Variants in PDGFC observed in about 807,000 individuals in gnomAD.
The protein encoded by PDGFC is platelet-derived growth factor C.
A neutral mutation model predicts 35.5 loss-of-function variants in PDGFC; 12 were observed. That is an observed-to-expected ratio of 0.34 (90% CI 0.22 to 0.55). The LOEUF (loss-of-function observed/expected upper bound fraction) is 0.55, where lower values mean the gene tolerates loss of function less well. PDGFC is among the 20% of genes least tolerant of loss of function. The pLI is 0.91. For synonymous variants in PDGFC, 159 were observed against 148.8 expected (o/e 1.07, Z -0.50); for missense variants, 322 against 412.4 (o/e 0.78, Z 1.90).
intron 3 of PDGFC, among the ~76,000 whole-genome samples, chr4:156,779,487 A>AC (rs1041425035): frequency 1.2e-4 from 18 of 152,188 alleles, no homozygotes; most frequent in Non-Finnish European, 2.5e-4. Flanking sequence ...CATCACAGCA[A>AC]CAGTCCAGTA....
At chr4:156,815,610 T>A (rs1732066937) in intron 2 of PDGFC, among the ~76,000 whole-genome samples, 1 of 152,110 alleles carries the variant, frequency 6.6e-6, no homozygotes, top group Non-Finnish European at 1.5e-5. Context: ...GAAAAATGTA[T>A]CTGTGGGCCA....
Position 156,971,351 on chromosome 4 carries a change from T to G in PDGFC, c.-448A>C, listed in dbSNP as rs1732589012. On this transcript the variant is annotated 5_prime_UTR_variant, in exon 1 of 6. Coordinates refer to ENST00000502773, the MANE Select transcript of PDGFC (RefSeq NM_016205.3). ...GGAAGCCAAGTCGGCGGCGAGCAGT[T>G]TCTGATCAATAACAAAGCTGCCAAT... 5.0e-6 allele frequency: 2 copies of G among 398,998 alleles called. No individual in the cohort carries two copies. The highest frequency in any genetic ancestry group is 4.1e-5 in the African/African-American group (2 of 48,682). 24.7% of individuals were successfully genotyped at this position (398,998 alleles called of 1,614,324 possible).
intron 1 of PDGFC, among the ~76,000 whole-genome samples, chr4:156,922,181 T>TGC (rs1294490660): frequency 1.3e-5 from 2 of 151,646 alleles, no homozygotes; most frequent in Non-Finnish European, 2.9e-5. Flanking sequence ...TGTGTGTGTG[T>TGC]GTGTGTGTGT....
At chr4:156,960,946 G>C (rs1455630214) in intron 1 of PDGFC, among the ~76,000 whole-genome samples, 3 of 151,978 alleles carry the variant, frequency 2.0e-5, no homozygotes, top group African/African-American at 4.8e-5. Flanking sequence ...TAAGATCTCA[G>C]GTTTAAAGTA....
chr4:156,911,036 T>C (rs1468473432), intron 1 of PDGFC, among the ~76,000 whole-genome samples: 1 of 152,140 alleles, frequency 6.6e-6, no homozygotes, highest in African/African-American at 2.4e-5. Context: ...AGAGCAAAAG[T>C]TTTATTTTCA....
intron 1 of PDGFC, among the ~76,000 whole-genome samples, chr4:156,900,967 GA>G (rs992530018): frequency 3.6e-4 from 54 of 151,078 alleles, no homozygotes; most frequent in African/African-American, 1.1e-3. Flanking sequence ...GAGGGAGGAA[GA>G]AAAAAAGAGA....
At chr4:156,928,370 T>G (rs1731466786) in intron 1 of PDGFC, among the ~76,000 whole-genome samples, 1 of 152,178 alleles carries the variant, frequency 6.6e-6, no homozygotes, top group South Asian at 2.1e-4. Context: ...GAACTGCAGC[T>G]CTACCTGATT....
At chr4:156,812,135 C>G (rs1486898974) in intron 2 of PDGFC, among the ~76,000 whole-genome samples, 1 of 151,930 alleles carries the variant, frequency 6.6e-6, no homozygotes, top group Non-Finnish European at 1.5e-5. Flanking sequence ...TTGTTTTAAA[C>G]TTAACCAAGA....
intron 1 of PDGFC, among the ~76,000 whole-genome samples, chr4:156,853,934 G>C (rs370630252): frequency 6.6e-6 from 1 of 152,148 alleles, no homozygotes. Context: ...CTGCACTCCA[G>C]CCTTGGTGAC....
At chr4:156,912,831 C>T (rs148586083) in intron 1 of PDGFC, among the ~76,000 whole-genome samples, 1 of 150,676 alleles carries the variant, frequency 6.6e-6, no homozygotes, top group East Asian at 2.0e-4. Context: ...CACAGACTAC[C>T]CAGAATATCT....
chr4:156,924,628 G>C, intron 1 of PDGFC, among the ~76,000 whole-genome samples: 1 of 152,094 alleles, frequency 6.6e-6, no homozygotes, highest in East Asian at 1.9e-4. Context: ...AAGAAATGTC[G>C]GTCAGGAAAA....
chr4:156,820,737 A>T (rs748723112), intron 2 of PDGFC, among the ~76,000 whole-genome samples: 30 of 152,224 alleles, frequency 2.0e-4, no homozygotes, highest in Non-Finnish European at 3.8e-4. Flanking sequence ...ATATATGATC[A>T]TACTCATAAA....
intron 1 of PDGFC, among the ~76,000 whole-genome samples, chr4:156,857,882 TG>T (rs1729619943): frequency 6.6e-6 from 1 of 152,046 alleles, no homozygotes; most frequent in African/African-American, 2.4e-5. Context: ...TGCACAAAAG[TG>T]GGCAGATGTA....
chr4:156,795,857 A>G (rs1731426455), intron 3 of PDGFC, among the ~76,000 whole-genome samples: 1 of 152,190 alleles, frequency 6.6e-6, no homozygotes, highest in African/African-American at 2.4e-5. Flanking sequence ...TTTTAAAGCA[A>G]TCAGTTCTGA....
intron 3 of PDGFC, among the ~76,000 whole-genome samples, chr4:156,791,745 AC>A (rs1440459182): frequency 1.3e-5 from 2 of 152,204 alleles, no homozygotes; most frequent in Non-Finnish European, 2.9e-5. Flanking sequence ...CATCCCACGT[AC>A]CACACTGAAA....
chr4:156,869,489 G>A (rs28532487), intron 1 of PDGFC, among the ~76,000 whole-genome samples: 4,303 of 151,982 alleles, frequency 0.028, 223 homozygotes, highest in African/African-American at 0.099. Flanking sequence ...AGCTACTGTT[G>A]TTTTTGCAAT....
intron 3 of PDGFC, among the ~76,000 whole-genome samples, chr4:156,789,997 AAG>A (rs1553964993): frequency 0.017 from 2,431 of 139,550 alleles, 84 homozygotes; most frequent in African/African-American, 0.074. Context: ...AAAAAAAAAA[AAG>A]AAAGAATACT....
chr4:156,764,271 G>A (rs181060068), intron 5 of PDGFC, among the ~76,000 whole-genome samples: 1 of 152,316 alleles, frequency 6.6e-6, no homozygotes, highest in Non-Finnish European at 1.5e-5. Context: ...AAGAAAAACA[G>A]AGAATGCATA....
chr4:156,966,235 C>T (rs1408889985), intron 1 of PDGFC, among the ~76,000 whole-genome samples: 3 of 151,978 alleles, frequency 2.0e-5, no homozygotes, highest in African/African-American at 4.8e-5. Context: ...ACTGATCTTA[C>T]CCAAAAGATC....
Sources: allele counts gnomAD v4.1 joint callset (sites outside exome capture counted in the v4.1 genomes callset), GRCh38; gene constraint gnomAD v4.1.1; transcripts MANE v1.5; gene names NCBI Gene and HGNC (gene_info 2026-07-23, HGNC 2026-07-21).